The following CCSER1 variants were observed in gnomAD, a reference collection of about 807,000 sequenced individuals.
CCSER1 encodes serine-rich coiled-coil domain-containing protein 1.
Under a neutral mutation model 82.0 loss-of-function variants are expected in CCSER1, and 41 were observed. That is an observed-to-expected ratio of 0.50 (90% confidence interval 0.39 to 0.65). The LOEUF (loss-of-function observed/expected upper bound fraction) is 0.65. CCSER1 is among the 30% of genes least tolerant of loss of function. The pLI is 0.00. For synonymous variants in CCSER1, 414 were observed against 383.9 expected, an observed-to-expected ratio of 1.08 and a Z score of -0.92; for missense variants, 1,119 against 1,064.2, an observed-to-expected ratio of 1.05 and a Z score of -0.72.
chr4:90,528,247 TC>T (rs1256813146), intron 5 of CCSER1, among the ~76,000 whole-genome samples: 1 of 152,154 alleles, frequency 6.6e-6, no homozygotes, highest in African/African-American at 2.4e-5. Flanking sequence ...AGATTTTTTT[TC>T]TTTTTGCCTC....
intron 9 of CCSER1, among the ~76,000 whole-genome samples, chr4:91,023,109 G>A (rs1740158206): frequency 6.6e-6 from 1 of 152,088 alleles, no homozygotes; most frequent in South Asian, 2.1e-4. Context: ...GGGACGTGAA[G>A]GACCTCTTCA....
intron 3 of CCSER1, among the ~76,000 whole-genome samples, chr4:90,340,706 TC>T (rs1028879864): frequency 6.6e-6 from 1 of 152,126 alleles, no homozygotes; most frequent in Non-Finnish European, 1.5e-5. Flanking sequence ...TTAATAGGTT[TC>T]CCCCTTTTTA....
At chr4:91,444,804 A>C (rs1185349177) in intron 10 of CCSER1, among the ~76,000 whole-genome samples, 1 of 152,190 alleles carries the variant, frequency 6.6e-6, no homozygotes, top group Non-Finnish European at 1.5e-5. Flanking sequence ...ATGATGGTGA[A>C]AACGTTTATA....
intron 9 of CCSER1, among the ~76,000 whole-genome samples, chr4:91,060,343 G>A (rs1016205537): frequency 1.4e-4 from 21 of 152,020 alleles, no homozygotes; most frequent in African/African-American, 4.3e-4. Flanking sequence ...GAATTGGCTA[G>A]TCATTTCTGA....
intron 10 of CCSER1, among the ~76,000 whole-genome samples, chr4:91,348,374 A>G (rs72880804): frequency 0.066 from 10,032 of 152,124 alleles, 1,098 homozygotes; most frequent in African/African-American, 0.23. Context: ...TGTTGGATTT[A>G]ATGTGCTTTC....
At chr4:91,411,320 G>C (rs1007061070) in intron 10 of CCSER1, among the ~76,000 whole-genome samples, 2 of 151,042 alleles carry the variant, frequency 1.3e-5, no homozygotes, top group East Asian at 3.9e-4. Flanking sequence ...TAGAATTTTT[G>C]ATAAGAATTT....
At position 91,226,631 on chromosome 4, in the gene CCSER1, G is replaced by A. The variant is rs183701556; in HGVS notation, c.2217+140637G>A. ...AATTTTGTAGTGATTAAAGATGTGG[G>A]TGTACTTTGAAGTAAGACGCTTAAA... On this transcript the variant is annotated intron_variant, in intron 10 of 10. Transcript: ENST00000509176. Among the ~76,000 whole-genome samples, 302 of 151,936 alleles carry A rather than the reference G, an allele frequency of 2.0e-3. 1 individual carries two copies. Among genetic ancestry groups the A allele is most frequent in the African/African-American group, 6.6e-3 (273 of 41,508 alleles).
At chr4:91,250,962 G>C (rs1740207492) in intron 10 of CCSER1, among the ~76,000 whole-genome samples, 1 of 152,042 alleles carries the variant, frequency 6.6e-6, no homozygotes, top group African/African-American at 2.4e-5. Flanking sequence ...TAGTGACATA[G>C]AGAATGAACT....
At chr4:90,543,993 T>A (rs1445007838) in intron 5 of CCSER1, among the ~76,000 whole-genome samples, 2 of 152,114 alleles carry the variant, frequency 1.3e-5, no homozygotes, top group Non-Finnish European at 2.9e-5. Context: ...GAGGCATCTG[T>A]GTCAGAGACA....
At position 90,552,984 on chromosome 4, in the gene CCSER1, T is replaced by G. The variant is rs574923483; in HGVS notation, c.1725-75041T>G. On this transcript the variant is annotated intron_variant, in intron 5 of 10. Coordinates refer to ENST00000509176, the MANE Select transcript of CCSER1 (RefSeq NM_001145065.2). ...GGTCACTAAATTAACCATTTTTTTT[T>G]TTTTTGAGACGGAGTCTCGCTCTGT... Among the ~76,000 whole-genome samples the G allele has an allele frequency of 2.9e-4, 44 of 152,030 alleles. 1 individual carries two copies. In the South Asian group the frequency reaches 8.3e-3, roughly 29 times the overall value.
At chr4:91,274,038 A>T (rs1427620004) in intron 10 of CCSER1, among the ~76,000 whole-genome samples, 2 of 152,232 alleles carry the variant, frequency 1.3e-5, no homozygotes, top group Non-Finnish European at 2.9e-5. Flanking sequence ...TATACATATT[A>T]TACCAATAAG....
chr4:90,563,543 C>A (rs1216715380), intron 5 of CCSER1, among the ~76,000 whole-genome samples: 1 of 152,138 alleles, frequency 6.6e-6, no homozygotes, highest in Non-Finnish European at 1.5e-5. Flanking sequence ...TGGTATTTAT[C>A]TTTCTGTGCC....
intron 1 of CCSER1, among the ~76,000 whole-genome samples, chr4:90,192,332 A>G (rs1735803522): frequency 6.6e-6 from 1 of 152,018 alleles, no homozygotes. Flanking sequence ...CCCTCCCACA[A>G]CACGTGGGAA....
intron 8 of CCSER1, among the ~76,000 whole-genome samples, chr4:90,862,036 ATATAT>A (rs1430867844): frequency 2.6e-5 from 4 of 151,306 alleles, no homozygotes; most frequent in African/African-American, 9.7e-5. Context: ...TGATAAAGAA[ATATAT>A]TAGAGTCCAT....
At chr4:90,412,302 C>T (rs1192016490) in intron 4 of CCSER1, among the ~76,000 whole-genome samples, 2 of 115,072 alleles carry the variant, frequency 1.7e-5, no homozygotes, top group Non-Finnish European at 3.3e-5. Flanking sequence ...ACCTCACACA[C>T]TGAGGACTGT....
intron 9 of CCSER1, among the ~76,000 whole-genome samples, chr4:90,991,105 C>T (rs1736992537): frequency 6.6e-6 from 1 of 151,770 alleles, no homozygotes; most frequent in Non-Finnish European, 1.5e-5. Context: ...AGGTTGAAGT[C>T]TCTTGATCCT....
chr4:91,580,694 G>A (rs1270996842), intron 10 of CCSER1, among the ~76,000 whole-genome samples: 1 of 151,594 alleles, frequency 6.6e-6, no homozygotes, highest in African/African-American at 2.4e-5. Flanking sequence ...TGATATTCTA[G>A]ACCCTCATTT....
At chr4:91,228,237 A>G (rs1414720264) in intron 10 of CCSER1, among the ~76,000 whole-genome samples, 1 of 152,116 alleles carries the variant, frequency 6.6e-6, no homozygotes, top group Non-Finnish European at 1.5e-5. Flanking sequence ...TTTTGAATAT[A>G]ATAATTATTC....
At chr4:91,392,142 C>T (rs1205812235) in intron 10 of CCSER1, among the ~76,000 whole-genome samples, 2 of 151,922 alleles carry the variant, frequency 1.3e-5, no homozygotes, top group East Asian at 3.9e-4. Context: ...CAAAATTGTG[C>T]ATTATTTTGC....
Sources: allele counts gnomAD v4.1 joint callset (sites outside exome capture counted in the v4.1 genomes callset), GRCh38; gene constraint gnomAD v4.1.1; transcripts MANE v1.5; gene names NCBI Gene and HGNC (gene_info 2026-07-23, HGNC 2026-07-21).